PCA3: variants seen among roughly 807,000 people sequenced by gnomAD.
PCA3 encodes the protein Differential Display code 3.
intron 2 of PCA3, among the ~76,000 whole-genome samples, chr9:76,777,344 G>A (rs2053916187): frequency 6.6e-6 from 1 of 152,126 alleles, no homozygotes; most frequent in Non-Finnish European, 1.5e-5. Flanking sequence ...AATAAGCACA[G>A]GAATGGTGGG....
At chr9:76,767,071 C>G (rs919923982) in intron 2 of PCA3, among the ~76,000 whole-genome samples, 2 of 152,156 alleles carry the variant, frequency 1.3e-5, no homozygotes, top group Admixed American at 1.3e-4. Context: ...CTCCAACATA[C>G]TTACTGATGA....
At chr9:76,786,644 T>C (rs764147169) in intron 2 of PCA3, 1 of 152,266 alleles carries the variant, frequency 6.6e-6, no homozygotes, top group African/African-American at 2.4e-5. Context: ...TTTCAACGAC[T>C]CTCAAGTCTT....
At chr9:76,767,529 C>T (rs141423223) in intron 2 of PCA3, among the ~76,000 whole-genome samples, 43 of 152,100 alleles carry the variant, frequency 2.8e-4, no homozygotes, top group African/African-American at 9.6e-4. Context: ...CCCTTGACTC[C>T]ATTGATCACC....
chr9:76,780,201 C>A (rs911179296), intron 2 of PCA3, among the ~76,000 whole-genome samples: 5 of 152,128 alleles, frequency 3.3e-5, no homozygotes, highest in African/African-American at 1.2e-4. Flanking sequence ...AGCTACATGA[C>A]CCAATTATAT....
chr9:76,769,955 A>C (rs1326203061), intron 2 of PCA3, among the ~76,000 whole-genome samples: 1 of 152,206 alleles, frequency 6.6e-6, no homozygotes, highest in African/African-American at 2.4e-5. Flanking sequence ...AATCCTGAAA[A>C]TGTATTATAA....
chr9:76,776,391 T>G lies in PCA3; in HGVS notation n.853-32192T>G, dbSNP rs371179273. Among the ~76,000 whole-genome samples the G allele has an allele frequency of 7.2e-5, 11 of 152,318 alleles. No homozygotes were observed. The South Asian group carries it at 2.3e-3, about 32-fold the overall frequency. ...CTTACAAGTGAGACCATGTGGTATCTGATTTTCCATTTTTGAATTATTTCA... is the reference window on the plus strand; with the variant it reads ...CTTACAAGTGAGACCATGTGGTATCGGATTTTCCATTTTTGAATTATTTCA... On this transcript the variant is annotated intron_variant and non_coding_transcript_variant, in intron 2 of 5. Coordinates refer to ENST00000644657, the Ensembl canonical transcript of PCA3.
intron 2 of PCA3, chr9:76,784,715 C>G (rs1429191280): frequency 6.6e-6 from 1 of 152,194 alleles, no homozygotes; most frequent in East Asian, 1.9e-4. Flanking sequence ...TGTTCTGGCC[C>G]AGGGGATCTG....
intron 2 of PCA3, among the ~76,000 whole-genome samples, chr9:76,773,172 T>C (rs1268491633): frequency 6.6e-6 from 1 of 152,202 alleles, no homozygotes; most frequent in East Asian, 1.9e-4. Context: ...AAAGCGGTCT[T>C]TTGTTGTTGT....
intron 2 of PCA3, among the ~76,000 whole-genome samples, chr9:76,775,471 G>C (rs2053633979): frequency 7.4e-6 from 1 of 134,656 alleles, no homozygotes; most frequent in Non-Finnish European, 1.6e-5. Context: ...TAATTTTTGT[G>C]GTTTTTTTTT....
At chr9:76,765,758 G>A (rs2052292869) in intron 2 of PCA3, among the ~76,000 whole-genome samples, 1 of 152,190 alleles carries the variant, frequency 6.6e-6, no homozygotes, top group Non-Finnish European at 1.5e-5. Context: ...TCACTGTTTA[G>A]CTTTCTGAAC....
At chr9:76,767,826 T>C (rs1033172181) in intron 2 of PCA3, among the ~76,000 whole-genome samples, 2 of 152,204 alleles carry the variant, frequency 1.3e-5, no homozygotes, top group African/African-American at 4.8e-5. Context: ...ATCCGAACAC[T>C]GTCCTTTTCG....
At chr9:76,781,732 G>A (rs2054419885) in intron 2 of PCA3, among the ~76,000 whole-genome samples, 1 of 152,178 alleles carries the variant, frequency 6.6e-6, no homozygotes, top group Non-Finnish European at 1.5e-5. Context: ...GTGTATTTTA[G>A]TTCCTTATGT....
At chr9:76,769,454 C>T (rs566234) in intron 2 of PCA3, among the ~76,000 whole-genome samples, 43,000 of 152,122 alleles carry the variant, frequency 0.28, 6,930 homozygotes, top group South Asian at 0.41. Context: ...AAGAGTTTCG[C>T]TCTTCTTGCC....
At chr9:76,780,039 G>A (rs2054200899) in intron 2 of PCA3, 1 of 152,186 alleles carries the variant, frequency 6.6e-6, no homozygotes, top group African/African-American at 2.4e-5. Flanking sequence ...GATTTCATAT[G>A]TAGGAAAAAT....
intron 2 of PCA3, among the ~76,000 whole-genome samples, chr9:76,781,719 T>G (rs533037975): frequency 8.5e-5 from 13 of 152,350 alleles, no homozygotes; most frequent in African/African-American, 2.9e-4. Context: ...GGATAAGAAT[T>G]ATGTGTATTT....
At position 76,776,893 on chromosome 9, in the gene PCA3, T is replaced by TACACACACAC. The variant is rs541232508; in HGVS notation, n.853-31646_853-31637dup. Among the ~76,000 whole-genome samples the TACACACACAC allele has an allele frequency of 2.8e-4, 32 of 115,666 alleles. 1 individual carries two copies. Among genetic ancestry groups the TACACACACAC allele is most frequent in the East Asian group, 6.9e-4 (3 of 4,342 alleles). The allele number at this position is 115,666 out of a possible 152,430, so 75.9% of individuals were successfully genotyped here. ...GTTTCTTTCTCATTACCAAAACACA[T>TACACACACAC]ACACACACACACACACACACACACA... On this transcript the variant is annotated intron_variant and non_coding_transcript_variant, in intron 2 of 5. Coordinates refer to ENST00000644657, the Ensembl canonical transcript of PCA3.
intron 2 of PCA3, among the ~76,000 whole-genome samples, chr9:76,774,456 T>TTATTTATTTATTTATTTA (rs1554761633): frequency 5.2e-5 from 7 of 133,812 alleles, no homozygotes; most frequent in Non-Finnish European, 9.9e-5. Context: ...AACCCTTTTT[T>TTATTTATTTATTTATTTA]TTTTTTTTTT....
intron 2 of PCA3, among the ~76,000 whole-genome samples, chr9:76,768,873 T>C (rs977355428): frequency 1.1e-4 from 17 of 152,208 alleles, no homozygotes; most frequent in Admixed American, 1.1e-3. Flanking sequence ...GTCTTTACTT[T>C]GCATAATTCC....
intron 2 of PCA3, among the ~76,000 whole-genome samples, chr9:76,780,646 G>GC (rs1452287252): frequency 6.6e-6 from 1 of 152,136 alleles, no homozygotes; most frequent in Non-Finnish European, 1.5e-5. Flanking sequence ...AGCTGAGATC[G>GC]CCCCACTGCA....
Sources: allele counts gnomAD v4.1 joint callset (sites outside exome capture counted in the v4.1 genomes callset), GRCh38; gene constraint gnomAD v4.1.1; transcripts MANE v1.5; gene names NCBI Gene and HGNC (gene_info 2026-07-23, HGNC 2026-07-21).